SORD: variants seen among roughly 807,000 people sequenced by gnomAD.
The protein encoded by SORD is (R,R)-butanediol dehydrogenase.
In SORD, 18 loss-of-function variants were observed where a neutral mutation model predicts 35.6. The observed-to-expected ratio is 0.51, with a 90% CI of 0.35 to 0.75. The LOEUF (loss-of-function observed/expected upper bound fraction) is 0.75. Among genes scored for constraint, SORD ranks in the 30% least tolerant of loss-of-function variants. The pLI is 0.01. For synonymous variants in SORD, 106 were observed against 152.9 expected, an observed-to-expected ratio of 0.69 and a Z score of 2.26; for missense variants, 250 against 390.2, an observed-to-expected ratio of 0.64 and a Z score of 3.03.
intron 1 of SORD, among the ~76,000 whole-genome samples, chr15:45,034,628 G>C (rs1335408309): frequency 6.6e-6 from 1 of 152,246 alleles, no homozygotes; most frequent in African/African-American, 2.4e-5. Context: ...GTAGGGCAGC[G>C]GGAGCAGCTG....
chr15:45,023,839 C>T (rs1479466032), intron 1 of SORD, among the ~76,000 whole-genome samples: 5 of 152,212 alleles, frequency 3.3e-5, no homozygotes, highest in Admixed American at 1.3e-4. Flanking sequence ...CACAAGAGTA[C>T]TCAGCACTTA....
At chr15:45,037,603 A>G (rs1249314889) in intron 1 of SORD, among the ~76,000 whole-genome samples, 1 of 152,182 alleles carries the variant, frequency 6.6e-6, no homozygotes, top group Non-Finnish European at 1.5e-5. Flanking sequence ...TTAACATTTC[A>G]CGCAGTATAA....
At chr15:45,024,936 G>T (rs1437233874) in intron 1 of SORD, among the ~76,000 whole-genome samples, 1 of 152,276 alleles carries the variant, frequency 6.6e-6, no homozygotes, top group African/African-American at 2.4e-5. Context: ...CTGCTTAAAA[G>T]TCATGCACCT....
chr15:45,068,448 AGT>A (rs3042989), intron 6 of SORD, among the ~76,000 whole-genome samples: 11 of 116,134 alleles, frequency 9.5e-5, no homozygotes, highest in East Asian at 8.8e-4. Flanking sequence ...TGTGTGAGAG[AGT>A]GTGTGTGTGT....
chr15:45,026,928 TC>T (rs1892680623), intron 1 of SORD, among the ~76,000 whole-genome samples: 1 of 152,194 alleles, frequency 6.6e-6, no homozygotes, highest in Admixed American at 6.5e-5. Flanking sequence ...CCACACAGCC[TC>T]CCTACTGCCT....
At chr15:45,070,664 G>A (rs1030839197) in intron 7 of SORD, 2 of 152,246 alleles carry the variant, frequency 1.3e-5, no homozygotes, top group African/African-American at 4.8e-5. Flanking sequence ...GGTATGTCTT[G>A]GGTACCTACC....
chr15:45,066,951 T>C (rs1409654777), intron 5 of SORD, among the ~76,000 whole-genome samples: 1 of 152,222 alleles, frequency 6.6e-6, no homozygotes, highest in Non-Finnish European at 1.5e-5. Flanking sequence ...GAAATTCACC[T>C]GCAATCCCGT....
chr15:45,048,219 C>T (rs1002938326), intron 3 of SORD, among the ~76,000 whole-genome samples: 3 of 152,116 alleles, frequency 2.0e-5, no homozygotes, highest in African/African-American at 7.2e-5. Flanking sequence ...GAAATTTTTG[C>T]CAATAAGTAA....
At chr15:45,041,058 C>T (rs931522133) in intron 2 of SORD, among the ~76,000 whole-genome samples, 6 of 152,198 alleles carry the variant, frequency 3.9e-5, no homozygotes, top group Non-Finnish European at 5.9e-5. Context: ...TACTCCACTC[C>T]TTCTAGGCCT....
chr15:45,057,891 A>G (rs1893242487), intron 3 of SORD, among the ~76,000 whole-genome samples: 1 of 152,226 alleles, frequency 6.6e-6, no homozygotes, highest in Non-Finnish European at 1.5e-5. Context: ...ATCCTCCCAT[A>G]CAGTGCCATG....
At chr15:45,047,246 T>C (rs1036149369) in intron 3 of SORD, 1 of 151,982 alleles carries the variant, frequency 6.6e-6, no homozygotes, top group Non-Finnish European at 1.5e-5. Context: ...GCACTAACTA[T>C]GTACCAGGAC....
chr15:45,056,688 G>A (rs1440245481), intron 3 of SORD, among the ~76,000 whole-genome samples: 5 of 152,172 alleles, frequency 3.3e-5, no homozygotes, highest in Non-Finnish European at 7.4e-5. Context: ...GGCCATTATG[G>A]GGATGTGGAA....
intron 5 of SORD, among the ~76,000 whole-genome samples, chr15:45,066,292 C>A (rs1893403739): frequency 1.3e-5 from 2 of 151,292 alleles, no homozygotes; most frequent in South Asian, 4.2e-4. Context: ...ATTTTTGAAC[C>A]CTTGATGGGA....
At chr15:45,056,782 G>C (rs908413301) in intron 3 of SORD, among the ~76,000 whole-genome samples, 1 of 152,212 alleles carries the variant, frequency 6.6e-6, no homozygotes, top group East Asian at 1.9e-4. Context: ...TCTAAGCAAA[G>C]AAACTTCCAT....
chr15:45,058,384 C>A (rs113625116), intron 3 of SORD, among the ~76,000 whole-genome samples: 2,096 of 152,272 alleles, frequency 0.014, 18 homozygotes, highest in Middle Eastern at 0.031. Flanking sequence ...AAAATACTCT[C>A]CAGCAAGCCT....
intron 1 of SORD, among the ~76,000 whole-genome samples, chr15:45,036,584 C>T (rs1233624145): frequency 6.6e-6 from 1 of 152,072 alleles, no homozygotes; most frequent in Non-Finnish European, 1.5e-5. Flanking sequence ...ATCCCAGCTA[C>T]TTGGGAGGCT....
chr15:45,068,344 G>A lies in SORD; in HGVS notation c.610+98G>A, dbSNP rs370696130. 19 of 873,016 alleles carry A rather than the reference G, an allele frequency of 2.2e-5. No homozygotes were observed. In the East Asian group the frequency reaches 3.9e-4, roughly 18 times the overall value. The allele number at this position is 873,016 out of a possible 1,614,324, so 54.1% of individuals were successfully genotyped here. On this transcript the variant is annotated intron_variant, in intron 6 of 8. Coordinates refer to ENST00000267814, the MANE Select transcript of SORD (RefSeq NM_003104.6). ...GAGGTTATCTGTGACAGTGTGGAGG[G>A]GGTGAGTGTGTAGTGTCATATGGAT...
chr15:45,073,589 A>G lies in SORD; in HGVS notation c.*59A>G. 1.3e-6 allele frequency: 2 copies of G among 1,554,686 alleles called. No homozygotes were observed. Among genetic ancestry groups the G allele is most frequent in the Admixed American group, 4.0e-5 (2 of 49,474 alleles). ...TGGGATCTCAGGGCACAATGGCTGGACATGGGTGGGCTCTGATGCAGAACT... is the reference window on the plus strand; with the variant it reads ...TGGGATCTCAGGGCACAATGGCTGGGCATGGGTGGGCTCTGATGCAGAACT... On this transcript the variant is annotated 3_prime_UTR_variant, in exon 9 of 9. Coordinates refer to ENST00000267814, the MANE Select transcript of SORD (RefSeq NM_003104.6).
chr15:45,043,778 T>C lies in SORD; in HGVS notation c.265+357T>C, dbSNP rs1236449456. On this transcript the variant is annotated intron_variant, in intron 3 of 8. Transcript: ENST00000267814. ...GAGGCACAGGAAACCAAACTACCTT[T>C]ACATGCTGTGAACCACGGCCTTGGA... is the stretch of plus-strand genomic sequence containing the variant. Among the ~76,000 whole-genome samples the C allele has an allele frequency of 5.3e-5, 8 of 149,964 alleles. No homozygotes were observed. The East Asian group carries it at 1.4e-3, about 26-fold the overall frequency.
Sources: allele counts gnomAD v4.1 joint callset (sites outside exome capture counted in the v4.1 genomes callset), GRCh38; gene constraint gnomAD v4.1.1; transcripts MANE v1.5; gene names NCBI Gene and HGNC (gene_info 2026-07-23, HGNC 2026-07-21).